MTMR9: variants seen among roughly 807,000 people sequenced by gnomAD.
MTMR9 encodes the protein myotubularin related protein 9, also known as myotubularin-related protein 9.
In MTMR9, 39 loss-of-function variants were observed where a neutral mutation model predicts 69.5. The ratio of observed to expected loss-of-function variants is 0.56; its 90% CI spans 0.43 to 0.73. MTMR9 has a LOEUF of 0.73. Among genes scored for constraint, MTMR9 ranks in the 30% least tolerant of loss-of-function variants. The pLI is 0.00. For synonymous variants in MTMR9, 354 were observed against 240.8 expected (o/e 1.47, Z -4.35); for missense variants, 900 against 671.2 (o/e 1.34, Z -3.77).
chr8:11,296,855 A>G (rs1437086289), intron 2 of MTMR9, among the ~76,000 whole-genome samples: 10 of 152,032 alleles, frequency 6.6e-5, no homozygotes, highest in East Asian at 1.9e-4. Context: ...TCACGTATCA[A>G]TTAGCTTAAG....
chr8:11,336,800 C>G, the MTMR9 span, among the ~76,000 whole-genome samples: 1 of 152,192 alleles, frequency 6.6e-6, no homozygotes, highest in African/African-American at 2.4e-5. Context: ...GGATCGGAAT[C>G]ACCTGCACAT....
At chr8:11,312,197 A>G (rs1238811893) in intron 6 of MTMR9, among the ~76,000 whole-genome samples, 1 of 151,910 alleles carries the variant, frequency 6.6e-6, no homozygotes, top group Non-Finnish European at 1.5e-5. Context: ...GGTGCACACC[A>G]CCACGGTCAC....
intron 9 of MTMR9, chr8:11,321,248 T>C: frequency 2.8e-6 from 1 of 351,918 alleles, no homozygotes; most frequent in Non-Finnish European, 5.6e-6. Context: ...GTGCTTTGAT[T>C]TGTGAAGGGA....
chr8:11,331,469 A>C, downstream of MTMR9: 2 of 1,613,752 alleles, frequency 1.2e-6, no homozygotes, highest in African/African-American at 2.7e-5. Flanking sequence ...CCTACAGTGC[A>C]GTTCAGGTGG....
At position 11,284,988 on chromosome 8, in the gene MTMR9, C is replaced by T. The variant is rs758902754; in HGVS notation, c.100C>T (p.His34Tyr). 1 of 1,613,856 alleles carries T rather than the reference C, an allele frequency of 6.2e-7. No homozygotes were observed. The highest frequency in any genetic ancestry group is 8.5e-7 in the Non-Finnish European group (1 of 1,179,944). Residue 34 changes from histidine to tyrosine, a missense_variant, in exon 1 of 10, where the codon CAC (histidine) becomes TAC (tyrosine). By Grantham distance (83) the His-to-Tyr change is moderately conservative. Transcript: ENST00000221086. Reference sequence around the variant, plus strand: ...CGAGGGCACCCTGTGCCTGACGGGCCACCACTTGATCCTGTCCTCCCGGCA... The same window carrying T: ...CGAGGGCACCCTGTGCCTGACGGGCTACCACTTGATCCTGTCCTCCCGGCA... Reference protein sequence around the residue: ...AVEGTLCLTGHHLILSSRQDN... With the variant: ...AVEGTLCLTGYHLILSSRQDN...
At chr8:11,285,545 T>A (rs1799117203) in intron 1 of MTMR9, among the ~76,000 whole-genome samples, 1 of 152,204 alleles carries the variant, frequency 6.6e-6, no homozygotes. Flanking sequence ...ATGTTCAGTG[T>A]ATCATATTAT....
At chr8:11,296,043 T>G (rs1799546797) in intron 2 of MTMR9, among the ~76,000 whole-genome samples, 1 of 152,072 alleles carries the variant, frequency 6.6e-6, no homozygotes, top group African/African-American at 2.4e-5. Flanking sequence ...TAAATACAGT[T>G]CTAAAAATTT....
intron 5 of MTMR9, among the ~76,000 whole-genome samples, chr8:11,309,064 T>G (rs1800084655): frequency 6.6e-6 from 1 of 152,254 alleles, no homozygotes; most frequent in Non-Finnish European, 1.5e-5. Flanking sequence ...TTGTTTGTAC[T>G]GTAAAAGAGT....
At position 11,324,639 on chromosome 8, in the gene MTMR9, G is replaced by C. The variant is rs6995404; in HGVS notation, c.*1851G>C. 0.46 allele frequency: 69,735 copies of C among 151,882 alleles called. 16,515 individuals are homozygous for C. The highest frequency in any genetic ancestry group is 0.73 in the East Asian group (3,803 of 5,176). The allele number at this position is 151,882 out of a possible 1,614,324, so 9.4% of individuals were successfully genotyped here. ...TGTCTCAAGATTGTATATGAAGGAG[G>C]CTTTTCTTCTCAGCTAACAGGCATA... is the stretch of plus-strand genomic sequence containing the variant. On this transcript the variant is annotated 3_prime_UTR_variant, in exon 10 of 10. Coordinates refer to ENST00000221086, the MANE Select transcript of MTMR9 (RefSeq NM_015458.4).
intron 2 of MTMR9, among the ~76,000 whole-genome samples, chr8:11,299,648 G>T (rs1413670033): frequency 1.3e-5 from 2 of 152,266 alleles, no homozygotes; most frequent in South Asian, 2.1e-4. Flanking sequence ...TGGATTTTGA[G>T]CCAAGACCTT....
At chr8:11,298,257 G>T (rs578256502) in intron 2 of MTMR9, among the ~76,000 whole-genome samples, 1 of 152,128 alleles carries the variant, frequency 6.6e-6, no homozygotes, top group East Asian at 1.9e-4. Flanking sequence ...AGTGGTTGCT[G>T]ACTTGCATTT....
chr8:11,284,991 C>T lies in MTMR9; in HGVS notation c.103C>T (p.His35Tyr). The T allele has an allele frequency of 6.2e-7, 1 of 1,613,842 alleles. No homozygotes were observed. The highest frequency in any genetic ancestry group is 8.5e-7 in the Non-Finnish European group (1 of 1,179,920). Residue 35 changes from histidine to tyrosine, a missense_variant, in exon 1 of 10, where the codon CAC becomes TAC. His to Tyr is a moderately conservative substitution (Grantham distance 83, BLOSUM62 2). Transcript: ENST00000221086. The stretch of plus-strand genomic sequence containing the variant: ...GGGCACCCTGTGCCTGACGGGCCAC[C>T]ACTTGATCCTGTCCTCCCGGCAGGA... Reference protein sequence around the residue: ...VEGTLCLTGHHLILSSRQDNT... With the variant: ...VEGTLCLTGHYLILSSRQDNT...
rs150992084 is a variant in MTMR9, at chr8:11,284,983, C to T, written c.95C>T (p.Thr32Met). 1 of 1,613,830 alleles carries T rather than the reference C, an allele frequency of 6.2e-7. No homozygotes were observed. The highest frequency in any genetic ancestry group is 1.1e-5 in the South Asian group (1 of 91,002). Residue 32 changes from threonine (T) to methionine (M), a missense_variant, in exon 1 of 10, where the codon ACG becomes ATG. Coordinates refer to ENST00000221086, the MANE Select transcript of MTMR9 (RefSeq NM_015458.4). ...YPAVEGTLCL[T>M]GHHLILSSRQ... Reference sequence around the variant, plus strand: ...GCTGTCGAGGGCACCCTGTGCCTGACGGGCCACCACTTGATCCTGTCCTCC... The same window carrying T: ...GCTGTCGAGGGCACCCTGTGCCTGATGGGCCACCACTTGATCCTGTCCTCC...
chr8:11,294,021 A>AGG (rs1191263728), intron 1 of MTMR9, among the ~76,000 whole-genome samples: 3 of 152,208 alleles, frequency 2.0e-5, no homozygotes, highest in Admixed American at 6.5e-5. Context: ...GGCTATTTGA[A>AGG]GACATTTGCA....
rs779619300 is a variant in MTMR9, at chr8:11,295,222, A to T, written c.211A>T (p.Ile71Leu). ...RFVGSLGTII[I>L]KCKDFRIIQL... Reference sequence around the variant, plus strand: ...TGTAGGATCACTGGGTACCATCATCATAAAATGTAAAGATTTTCGAATTAT... The same window carrying T: ...TGTAGGATCACTGGGTACCATCATCTTAAAATGTAAAGATTTTCGAATTAT... The change falls in exon 2 of 10, where the codon ATA becomes TTA. Residue 71 changes from isoleucine to leucine, a missense_variant. By Grantham distance (5) the Ile-to-Leu change is conservative. Coordinates refer to ENST00000221086, the MANE Select transcript of MTMR9 (RefSeq NM_015458.4). 1 of 1,610,418 alleles carries T rather than the reference A, an allele frequency of 6.2e-7. No homozygotes were observed. The highest frequency in any genetic ancestry group is 8.5e-7 in the Non-Finnish European group (1 of 1,177,180).
intron 4 of MTMR9, among the ~76,000 whole-genome samples, chr8:11,305,957 T>A (rs1013801259): frequency 1.3e-5 from 2 of 152,222 alleles, no homozygotes; most frequent in African/African-American, 4.8e-5. Context: ...AGATATAATT[T>A]ATTATGTGAC....
chr8:11,323,859 G>A lies in MTMR9; in HGVS notation c.*1071G>A, dbSNP rs1475312686. The A allele has an allele frequency of 6.6e-6, 1 of 152,174 alleles. No homozygotes were observed. The highest frequency in any genetic ancestry group is 1.5e-5 in the Non-Finnish European group (1 of 68,034). The allele number at this position is 152,174 out of a possible 1,614,324, so 9.4% of individuals were successfully genotyped here. A position where few individuals can be genotyped will look rare whatever the true frequency, so the allele number is the denominator to read the frequency against. On this transcript the variant is annotated 3_prime_UTR_variant, in exon 10 of 10. Transcript: ENST00000221086. Reference sequence around the variant, plus strand: ...TATGTGTTAGGCAAATATAACTTAAGTGGAGGGGGAAGTTTATGAATATAA... The same window carrying A: ...TATGTGTTAGGCAAATATAACTTAAATGGAGGGGGAAGTTTATGAATATAA...
downstream of MTMR9, among the ~76,000 whole-genome samples, chr8:11,329,785 A>T (rs1370537827): frequency 7.1e-6 from 1 of 140,644 alleles, no homozygotes; most frequent in Non-Finnish European, 1.5e-5. Context: ...ATCGTCTGGG[A>T]TGTGAGGAGC....
intron 1 of MTMR9, among the ~76,000 whole-genome samples, chr8:11,286,941 A>T (rs947332608): frequency 6.6e-6 from 1 of 152,040 alleles, no homozygotes. Context: ...GCCTCTCCCA[A>T]GTTTGTTTAA....
Sources: allele counts gnomAD v4.1 joint callset (sites outside exome capture counted in the v4.1 genomes callset), GRCh38; gene constraint gnomAD v4.1.1; transcripts MANE v1.5; gene names NCBI Gene and HGNC (gene_info 2026-07-23, HGNC 2026-07-21).